HSD17B14: variants seen among roughly 807,000 people sequenced by gnomAD.
HSD17B14 encodes the protein hydroxysteroid 17-beta dehydrogenase 14, also known as L-fucose dehydrogenase.
Under a neutral mutation model 32.2 loss-of-function variants are expected in HSD17B14, and 32 were observed. The ratio of observed to expected loss-of-function variants is 0.99; its 90% confidence interval spans 0.75 to 1.33. HSD17B14 has a LOEUF of 1.33. Among genes scored for constraint, HSD17B14 ranks in the 40% most tolerant of loss-of-function variants. The probability of loss-of-function intolerance (pLI) is 0.00; values close to 1 mark genes in which losing one functional copy is unlikely to be tolerated. For synonymous variants in HSD17B14, 140 were observed against 155.4 expected, an observed-to-expected ratio of 0.90 and a Z score of 0.74; for missense variants, 370 against 366.5, an observed-to-expected ratio of 1.01 and a Z score of -0.08.
chr19:48,820,725 G>A lies in HSD17B14; in HGVS notation c.370-5584C>T, dbSNP rs922244301. On this transcript the variant is annotated intron_variant, in intron 5 of 8. Transcript: ENST00000263278. ...TTTTAGTATAGACAGGGTTTCGGCC[G>A]GGCGCAGTGGCTCACATCTGTAATC... 7.9e-5 allele frequency among the ~76,000 whole-genome samples: 12 copies of A among 151,592 alleles called. No individual in the cohort carries two copies. In the South Asian group the frequency reaches 1.7e-3, roughly 21 times the overall value.
intron 5 of HSD17B14, among the ~76,000 whole-genome samples, chr19:48,824,020 C>G (rs948644813): frequency 6.2e-5 from 9 of 146,104 alleles, no homozygotes; most frequent in Admixed American, 5.5e-4. Context: ...TTTGGGAGGC[C>G]GAGGCGGGCA....
chr19:48,824,408 C>T (rs907293678), intron 5 of HSD17B14, among the ~76,000 whole-genome samples: 6 of 148,090 alleles, frequency 4.1e-5, no homozygotes, highest in Non-Finnish European at 8.9e-5. Flanking sequence ...TGCTCACCAG[C>T]TGGGAAGACA....
chr19:48,835,776 A>C, intron 2 of HSD17B14, 29 bp downstream of exon 2: 1 of 1,612,942 alleles, frequency 6.2e-7, no homozygotes, highest in Non-Finnish European at 8.5e-7. Context: ...AGGAAGGGCC[A>C]AGGTGAGGGC....
chr19:48,827,199 C>A lies in HSD17B14; in HGVS notation c.369+4469G>T, dbSNP rs371361802. Among the ~76,000 whole-genome samples, 31 of 151,930 alleles carry A rather than the reference C, an allele frequency of 2.0e-4. No individual in the cohort carries two copies. The East Asian group carries it at 5.1e-3, about 25-fold the overall frequency. Reference sequence around the variant, plus strand: ...CTGGGATTACAGGCGCCCACCACCACGCCTGGCTAATTTTTGTATTTTTAG... The same window carrying A: ...CTGGGATTACAGGCGCCCACCACCAAGCCTGGCTAATTTTTGTATTTTTAG... On this transcript the variant is annotated intron_variant, in intron 5 of 8. Coordinates refer to ENST00000263278, the MANE Select transcript of HSD17B14 (RefSeq NM_016246.3).
Position 48,813,146 on chromosome 19 carries a change from A to C in HSD17B14, c.*29T>G. The C allele has an allele frequency of 1.3e-6, 2 of 1,535,036 alleles. No individual in the cohort carries two copies. The highest frequency in any genetic ancestry group is 8.8e-7 in the Non-Finnish European group (1 of 1,130,972). ...GAGTTTGGGGTGGGAGAGTCCTAGG[A>C]AGGGGGCCCCAAGTAGAAATGAGAG... On this transcript the variant is annotated 3_prime_UTR_variant, in exon 9 of 9. Transcript: ENST00000263278.
chr19:48,831,578 G>T, intron 5 of HSD17B14, 90 bp downstream of exon 5: 1 of 907,288 alleles, frequency 1.1e-6, no homozygotes, highest in South Asian at 1.3e-5. Flanking sequence ...TAAAAAGAAC[G>T]GAAAACATTT....
At chr19:48,829,785 A>G (rs2035307385) in intron 5 of HSD17B14, among the ~76,000 whole-genome samples, 1 of 150,586 alleles carries the variant, frequency 6.6e-6, no homozygotes, top group African/African-American at 2.5e-5. Context: ...CTGGGATTAT[A>G]GGCATGTGCC....
rs753201247 is a variant in HSD17B14 at position 48,831,769 on chromosome 19, G to A, written c.278-10C>T. ...CTCTGTGGGGGTGGGTCTAAAGTGG[G>A]GGGTGAGAGAGAGAGGAAAAGTGAC... On this transcript the variant is annotated splice_polypyrimidine_tract_variant and intron_variant, in intron 4 of 8. Transcript: ENST00000263278. 1.3e-6 allele frequency: 2 copies of A among 1,565,942 alleles called. No individual in the cohort carries two copies. The highest frequency in any genetic ancestry group is 1.8e-6 in the Non-Finnish European group (2 of 1,137,934).
rs746425728 is a variant in HSD17B14, at chr19:48,835,819, A to T, written c.113T>A (p.Ile38Asn). The change falls in exon 2 of 9, where the codon ATC (isoleucine) becomes AAC (asparagine). Residue 38 changes from isoleucine to asparagine, a missense_variant. By Grantham distance (149) the Ile-to-Asn change is moderately radical. Transcript: ENST00000263278. ...AFVNSGARVV[I>N]CDKDESGGRA... is the part of the protein sequence containing the mutation. ...CCGTCACTCACCATCCTTGTCGCAG[A>T]TAACCACTCGGGCCCCGCTGTTCAC... 1 of 1,613,646 alleles carries T rather than the reference A, an allele frequency of 6.2e-7. No individual in the cohort carries two copies. Among genetic ancestry groups the T allele is most frequent in the East Asian group, 2.2e-5 (1 of 44,886 alleles).
intron 5 of HSD17B14, among the ~76,000 whole-genome samples, chr19:48,818,519 T>G (rs1191595883): frequency 6.9e-6 from 1 of 144,946 alleles, no homozygotes; most frequent in Non-Finnish European, 1.5e-5. Flanking sequence ...GCACCTGCCC[T>G]GCTGTTTAAT....
chr19:48,821,302 C>G (rs529304900), intron 5 of HSD17B14, among the ~76,000 whole-genome samples: 1 of 152,160 alleles, frequency 6.6e-6, no homozygotes, highest in African/African-American at 2.4e-5. Context: ...CATGAGCCAC[C>G]GCGCCTGGCC....
At chr19:48,831,550 C>T (rs2035335278) in intron 5 of HSD17B14, 118 bp downstream of exon 5, 2 of 790,706 alleles carry the variant, frequency 2.5e-6, no homozygotes, top group South Asian at 1.4e-5. Flanking sequence ...GAGACCCTGT[C>T]TCCAACAAAC....
chr19:48,813,848 G>T, intron 6 of HSD17B14, 118 bp from the exon 7 acceptor site: 1 of 1,107,320 alleles, frequency 9.0e-7, no homozygotes, highest in Non-Finnish European at 1.4e-6. Context: ...CTCCTTGAAG[G>T]CTGCCTTCAG....
chr19:48,813,187 A>G lies in HSD17B14; in HGVS notation c.801T>C (p.Asp267=), dbSNP rs1403118530. The change falls in exon 9 of 9, where the codon GAT becomes GAC. Residue 267 remains aspartate (D), a synonymous_variant. Coordinates refer to ENST00000263278, the MANE Select transcript of HSD17B14 (RefSeq NM_016246.3). The part of the protein sequence containing the change: ...ASRSTPVDAP[D]IPS ...GAAATGAGAGAAATCAGGAAGGGAT[A>G]TCGGGGGCGTCCACGGGGGTGCTCC... 1 of 1,596,306 alleles carries G rather than the reference A, an allele frequency of 6.3e-7. No homozygotes were observed.
rs779072754 is a variant in HSD17B14, at chr19:48,813,720, G to T, written c.485C>A (p.Thr162Lys). ...CAGGGCCAAAGCTTTGGTCATGGCT[G>T]TTACTGCCCCCTGCAGGAAATGGAG... The part of the protein sequence containing the change: ...VPYVATKGAV[T>K]AMTKALALDE... Residue 162 changes from threonine (T) to lysine (K), a missense_variant, in exon 7 of 9, where the codon ACA (threonine) becomes AAA (lysine). Physicochemically the swap from Thr to Lys is moderately conservative, Grantham distance 78. Coordinates refer to ENST00000263278, the MANE Select transcript of HSD17B14 (RefSeq NM_016246.3). 2.5e-6 allele frequency: 4 copies of T among 1,614,092 alleles called. No homozygotes were observed. The highest frequency in any genetic ancestry group is 1.7e-5 in the Admixed American group (1 of 59,990).
Position 48,813,672 on chromosome 19 carries a change from C to G in HSD17B14, c.533G>C (p.Arg178Pro). Residue 178 changes from arginine to proline, a missense_variant, in exon 7 of 9, where the codon CGA becomes CCA. Coordinates refer to ENST00000263278, the MANE Select transcript of HSD17B14 (RefSeq NM_016246.3). ...LALDESPYGV[R>P]VNCISPGNIW... is the part of the protein sequence containing the mutation. ...GCTCAGAGCAGCTCACCAGTTGACT[C>G]GGACACCATATGGACTTTCATCCAG... The G allele has an allele frequency of 2.5e-6, 4 of 1,614,166 alleles. No homozygotes were observed. Among genetic ancestry groups the G allele is most frequent in the Non-Finnish European group, 3.4e-6 (4 of 1,180,036 alleles).
At chr19:48,813,844 G>A in intron 6 of HSD17B14, 114 bp from the exon 7 acceptor site, 1 of 1,145,390 alleles carries the variant, frequency 8.7e-7, no homozygotes, top group East Asian at 2.4e-5. Context: ...TGCCCTCCTT[G>A]AAGGCTGCCT....
At chr19:48,832,817 G>A (rs1015939234) in intron 3 of HSD17B14, 85 bp from the exon 4 acceptor site, 30 of 1,163,478 alleles carry the variant, frequency 2.6e-5, no homozygotes, top group Admixed American at 6.0e-5. Flanking sequence ...GCATTGGCAC[G>A]ATCTTGGCTC....
chr19:48,827,147 A>ATTGT (rs1384421908), intron 5 of HSD17B14, among the ~76,000 whole-genome samples: 1 of 150,764 alleles, frequency 6.6e-6, no homozygotes, highest in African/African-American at 2.4e-5. Flanking sequence ...GGTTCATGAG[A>ATTGT]TTGTCCTGCC....
Sources: allele counts gnomAD v4.1 joint callset (sites outside exome capture counted in the v4.1 genomes callset), GRCh38; gene constraint gnomAD v4.1.1; transcripts MANE v1.5; gene names NCBI Gene and HGNC (gene_info 2026-07-23, HGNC 2026-07-21).